LCT: variants seen among roughly 807,000 people sequenced by gnomAD.
LCT encodes the protein lactase.
LCT carries 90 observed loss-of-function variants against 173.0 expected under a neutral mutation model. That is an observed-to-expected ratio of 0.52 (90% confidence interval 0.44 to 0.62). The LOEUF (loss-of-function observed/expected upper bound fraction) is 0.62, where lower values mean the gene tolerates loss of function less well. Among genes scored for constraint, LCT ranks in the 20% least tolerant of loss-of-function variants. The pLI is 0.00. For missense variants in LCT, 1,864 were observed against 2,431.4 expected (o/e 0.77, Z 4.91); for synonymous variants, 853 against 957.6 (o/e 0.89, Z 2.02).
intron 13 of LCT, among the ~76,000 whole-genome samples, chr2:135,795,045 G>GCGCGCA (rs766023610): frequency 2.6e-4 from 39 of 149,932 alleles, no homozygotes; most frequent in African/African-American, 6.6e-4. Context: ...GCGCGCGCGC[G>GCGCGCA]CACACACACA....
Position 135,790,683 on chromosome 2 carries a change from C to T in LCT, c.5310G>A (p.Arg1770=). 1.2e-6 allele frequency: 2 copies of T among 1,612,416 alleles called. No individual in the cohort carries two copies. The highest frequency in any genetic ancestry group is 1.9e-4 in the Middle Eastern group (1 of 5,170). The stretch of plus-strand genomic sequence containing the variant: ...CTTTGAGGGCCTCATTGATGTAAGT[C>T]CGAAGGTAGTAGATCCTTGCAGTGT... ...LNDTARIYYL[R]TYINEALKAV... Residue 1770 remains arginine (R), a synonymous_variant, in exon 15 of 17, where the codon CGG becomes CGA. Coordinates refer to ENST00000264162, the MANE Select transcript of LCT (RefSeq NM_002299.4). This position sits in a 1 kb window ranked among gnomAD's most constrained non-coding sequence, Gnocchi z 4.1.
chr2:135,803,893 T>A (rs1352409092), intron 11 of LCT, 37 bp downstream of exon 11: 1 of 1,574,298 alleles, frequency 6.4e-7, no homozygotes, highest in Non-Finnish European at 8.7e-7. Flanking sequence ...AAGAATGCCA[T>A]GATTCAAAGA....
Position 135,793,695 on chromosome 2 carries a change from G to T in LCT, c.5111+946C>A, listed in dbSNP as rs796679271. On this transcript the variant is annotated intron_variant, in intron 14 of 16. Transcript: ENST00000264162. ...CTACTCAAGGAGGTACTAGAGAAAG[G>T]TGAAAATTAACTTAGAGAAATTTAA... Among the ~76,000 whole-genome samples the T allele has an allele frequency of 9.9e-5, 15 of 152,250 alleles. 1 individual carries two copies. The highest frequency in any genetic ancestry group is 3.6e-4 in the African/African-American group (15 of 41,546).
chr2:135,806,136 C>T, intron 9 of LCT, among the ~76,000 whole-genome samples: 1 of 152,128 alleles, frequency 6.6e-6, no homozygotes, highest in South Asian at 2.1e-4. Context: ...CAGGAGCACA[C>T]CACCACACTT....
chr2:135,796,941 A>ATTTTTTT (rs997582132), intron 13 of LCT, among the ~76,000 whole-genome samples: 1 of 118,762 alleles, frequency 8.4e-6, no homozygotes, highest in African/African-American at 3.2e-5. Flanking sequence ...TGGGAGCTGG[A>ATTTTTTT]TTTTTTTTTT....
At chr2:135,788,852 C>T (rs2077512235) in intron 16 of LCT, among the ~76,000 whole-genome samples, 1 of 152,170 alleles carries the variant, frequency 6.6e-6, no homozygotes, top group Non-Finnish European at 1.5e-5. Flanking sequence ...TTTGCATATA[C>T]ATAATGAGAT....
At chr2:135,801,078 G>A (rs149866769) in intron 11 of LCT, among the ~76,000 whole-genome samples, 26 of 152,234 alleles carry the variant, frequency 1.7e-4, no homozygotes, top group African/African-American at 5.8e-4. Context: ...TATGAAACCC[G>A]CCCACAGCAG....
Position 135,788,152 on chromosome 2 carries a change from A to G in LCT, c.*172T>C, listed in dbSNP as rs2077506358. The G allele has an allele frequency of 1.5e-6, 1 of 668,090 alleles. No homozygotes were observed. The highest frequency in any genetic ancestry group is 2.7e-6 in the Non-Finnish European group (1 of 375,176). 41.4% of individuals were successfully genotyped at this position (668,090 alleles called of 1,614,324 possible). ...ACTGGAGCAAGATGGAGATATTTCC[A>G]TTTTACTCAGCAAGTCGAAATCATT... On this transcript the variant is annotated 3_prime_UTR_variant, in exon 17 of 17. Transcript: ENST00000264162.
rs886267160 is a variant in LCT at position 135,812,219 on chromosome 2, T to C, written c.2353+92A>G. The C allele has an allele frequency of 2.8e-6, 3 of 1,063,668 alleles. No individual in the cohort carries two copies. The African/African-American group carries it at 4.6e-5, about 16-fold the overall frequency. The allele number at this position is 1,063,668 out of a possible 1,614,324, so 65.9% of individuals were successfully genotyped here. On this transcript the variant is annotated intron_variant, in intron 7 of 16. Coordinates refer to ENST00000264162, the MANE Select transcript of LCT (RefSeq NM_002299.4). ...TATGCTTTCTTTGGCTCCATTTCTC[T>C]AGGAGACTTTCTTTGTCTTATTAAA...
intron 4 of LCT, among the ~76,000 whole-genome samples, chr2:135,823,253 T>G (rs2077852001): frequency 6.6e-6 from 1 of 152,154 alleles, no homozygotes; most frequent in East Asian, 1.9e-4. Context: ...TCTCTGCCCC[T>G]TCCTCCCTTC....
intron 6 of LCT, 132 bp downstream of exon 6, chr2:135,817,209 C>T: frequency 5.5e-6 from 6 of 1,086,896 alleles, no homozygotes; most frequent in Non-Finnish European, 7.9e-6. Flanking sequence ...ATGGTTCCTT[C>T]CCTCCCCGAT....
chr2:135,834,548 G>T (rs2077968954), intron 1 of LCT, among the ~76,000 whole-genome samples: 6 of 148,500 alleles, frequency 4.0e-5, no homozygotes. Context: ...AGCATTTTGG[G>T]AGTCCGAGGC....
At position 135,809,194 on chromosome 2, in the gene LCT, C is replaced by T; in HGVS notation, c.3153G>A (p.Gln1051=). The T allele has an allele frequency of 6.2e-7, 1 of 1,614,216 alleles. No individual in the cohort carries two copies. Among genetic ancestry groups the T allele is most frequent in the Non-Finnish European group, 8.5e-7 (1 of 1,180,046 alleles). The change falls in exon 8 of 17, where the codon CAG becomes CAA. Residue 1051 remains glutamine (Q), a synonymous_variant. Coordinates refer to ENST00000264162, the MANE Select transcript of LCT (RefSeq NM_002299.4). The surrounding 1 kb of genome is among the most constrained non-coding windows in gnomAD (Gnocchi z 5.5). ...AAAACTTGACTCTATCACCAAAGGT[C>T]TGGAAACAAAAGTCTGCGTAGCTGT... is the stretch of plus-strand genomic sequence containing the variant. ...LFDSYADFCF[Q]TFGDRVKFWM...
At position 135,822,087 on chromosome 2, in the gene LCT, C is replaced by T. The variant is rs768499058; in HGVS notation, c.919G>A (p.Asp307Asn). 28 of 1,590,676 alleles carry T rather than the reference C, an allele frequency of 1.8e-5. No individual in the cohort carries two copies. The Admixed American group carries it at 3.2e-4, about 18-fold the overall frequency. ...TCAAACCCAATGGTGAGCACTTGGTCTTTATTTATGGCTGTAAGAGAAGAA... is the reference window on the plus strand; with the variant it reads ...TCAAACCCAATGGTGAGCACTTGGTTTTTATTTATGGCTGTAAGAGAAGAA... ...LFSLFEAINK[D>N]QVLTIGFDIN... The change falls in exon 5 of 17, where the codon GAC becomes AAC. Residue 307 changes from aspartate to asparagine, a missense_variant. This residue lies in a region of LCT where 412 missense variants were observed against 462.0 expected (regional missense o/e 0.89). Coordinates refer to ENST00000264162, the MANE Select transcript of LCT (RefSeq NM_002299.4).
intron 3 of LCT, among the ~76,000 whole-genome samples, chr2:135,826,404 A>G (rs1189039026): frequency 1.1e-5 from 1 of 90,186 alleles, no homozygotes; most frequent in Non-Finnish European, 2.2e-5. Context: ...TACAAATACA[A>G]AAAAAAAAAA....
chr2:135,829,090 C>G (rs1483949453), intron 3 of LCT, among the ~76,000 whole-genome samples: 1 of 151,976 alleles, frequency 6.6e-6, no homozygotes, highest in African/African-American at 2.4e-5. Context: ...ACTGGAGAGG[C>G]TGAGGCAGGA....
chr2:135,824,053 C>A, intron 3 of LCT, 50 bp from the exon 4 acceptor site: 2 of 1,217,146 alleles, frequency 1.6e-6, no homozygotes, highest in African/African-American at 1.5e-5. Context: ...TGGAAAGCAT[C>A]TTGATAACAG....
At chr2:135,835,520 A>G (rs866205367) in intron 1 of LCT, among the ~76,000 whole-genome samples, 1 of 132,090 alleles carries the variant, frequency 7.6e-6, no homozygotes, top group Non-Finnish European at 1.6e-5. Flanking sequence ...ATATATATAT[A>G]TATATATATA....
chr2:135,792,586 G>A (rs1287051153), intron 14 of LCT, among the ~76,000 whole-genome samples: 3 of 152,148 alleles, frequency 2.0e-5, no homozygotes, highest in African/African-American at 7.2e-5. Context: ...CTTGCTGGCT[G>A]CATGGGAGCT....
Sources: allele counts gnomAD v4.1 joint callset (sites outside exome capture counted in the v4.1 genomes callset), GRCh38; gene constraint gnomAD v4.1.1; regional missense constraint gnomAD v4.1.1; non-coding constraint Gnocchi (gnomAD v3.1); transcripts MANE v1.5; gene names NCBI Gene and HGNC (gene_info 2026-07-23, HGNC 2026-07-21).